The following MAGI2 variants were observed in gnomAD, a reference collection of about 807,000 sequenced individuals.
MAGI2 encodes membrane associated guanylate kinase, WW and PDZ domain containing 2.
A neutral mutation model predicts 133.3 loss-of-function variants in MAGI2; 35 were observed. That is an observed-to-expected ratio of 0.26 (90% CI 0.20 to 0.35). MAGI2 has a LOEUF of 0.35. MAGI2 is among the 10% of genes least tolerant of loss of function. The pLI, the probability that MAGI2 is intolerant of heterozygous loss-of-function variation, is 1.00. For synonymous variants in MAGI2, 729 were observed against 710.6 expected, an observed-to-expected ratio of 1.03 and a Z score of -0.41; for missense variants, 1,636 against 1,863.4, an observed-to-expected ratio of 0.88 and a Z score of 2.25.
intron 2 of MAGI2, among the ~76,000 whole-genome samples, chr7:78,929,406 G>A (rs1485283395): frequency 6.6e-6 from 1 of 152,046 alleles, no homozygotes. Context: ...TACTAAAAAA[G>A]TGATAGCATA....
At chr7:79,236,829 A>G (rs141578700) in intron 1 of MAGI2, among the ~76,000 whole-genome samples, 63 of 152,364 alleles carry the variant, frequency 4.1e-4, no homozygotes, top group African/African-American at 1.5e-3. Flanking sequence ...AAGTGCACTT[A>G]AAACTTAAAT....
At chr7:78,671,962 G>A (rs952711895) in intron 2 of MAGI2, among the ~76,000 whole-genome samples, 1 of 152,186 alleles carries the variant, frequency 6.6e-6, no homozygotes, top group African/African-American at 2.4e-5. Flanking sequence ...CCAAAAAAGT[G>A]ATTCATAATT....
chr7:78,762,365 C>T (rs1243306994), intron 2 of MAGI2, among the ~76,000 whole-genome samples: 1 of 152,076 alleles, frequency 6.6e-6, no homozygotes, highest in African/African-American at 2.4e-5. Flanking sequence ...ATTGCTTTAA[C>T]CTGGGAGGCG....
intron 21 of MAGI2, among the ~76,000 whole-genome samples, chr7:78,030,146 CT>C (rs1026256656): frequency 6.6e-6 from 1 of 152,106 alleles, no homozygotes; most frequent in African/African-American, 2.4e-5. Flanking sequence ...AATTTCTCAC[CT>C]GTAAAATGGA....
chr7:78,334,244 C>T (rs2691537), intron 9 of MAGI2, among the ~76,000 whole-genome samples: 123,141 of 152,064 alleles, frequency 0.81, 50,172 homozygotes, highest in African/African-American at 0.87. Flanking sequence ...GGAAAATCAA[C>T]ATGGAATGGC....
At chr7:78,524,950 G>GT (rs72412091) in intron 3 of MAGI2, among the ~76,000 whole-genome samples, 61,009 of 151,514 alleles carry the variant, frequency 0.4, 15,403 homozygotes, top group African/African-American at 0.73. Flanking sequence ...ACACTTCAGT[G>GT]TTTTTTTTCC....
intron 1 of MAGI2, among the ~76,000 whole-genome samples, chr7:79,306,271 T>A (rs4020439): frequency 9.5e-5 from 14 of 146,988 alleles, no homozygotes; most frequent in African/African-American, 2.5e-4. Flanking sequence ...TTATATATAT[T>A]TTATTTATAT....
intron 1 of MAGI2, among the ~76,000 whole-genome samples, chr7:79,328,584 C>T (rs764853288): frequency 5.9e-5 from 9 of 151,314 alleles, no homozygotes; most frequent in Middle Eastern, 3.4e-3. Flanking sequence ...TTCAGCTCCA[C>T]AGACACTGGA....
chr7:78,591,644 A>G (rs893543286), intron 3 of MAGI2, among the ~76,000 whole-genome samples: 2 of 152,196 alleles, frequency 1.3e-5, no homozygotes, highest in Non-Finnish European at 2.9e-5. Flanking sequence ...AATATGGGTA[A>G]ACCTGTCCTA....
intron 21 of MAGI2, among the ~76,000 whole-genome samples, chr7:78,040,581 G>C (rs556975420): frequency 3.3e-5 from 5 of 152,314 alleles, no homozygotes; most frequent in African/African-American, 1.2e-4. Flanking sequence ...TGAGGATCCC[G>C]CAGGTAGACG....
intron 6 of MAGI2, among the ~76,000 whole-genome samples, chr7:78,397,366 T>C (rs931425432): frequency 1.6e-4 from 24 of 147,820 alleles, no homozygotes; most frequent in African/African-American, 5.7e-4. Context: ...TTGAAATTCC[T>C]ACACACACAC....
chr7:78,898,376 C>T (rs1186627925), intron 2 of MAGI2, among the ~76,000 whole-genome samples: 1 of 152,164 alleles, frequency 6.6e-6, no homozygotes, highest in Admixed American at 6.5e-5. Context: ...CATCACCACT[C>T]ACATTAGTAA....
chr7:78,280,160 G>A (rs77249511), intron 9 of MAGI2, among the ~76,000 whole-genome samples: 1 of 152,284 alleles, frequency 6.6e-6, no homozygotes, highest in East Asian at 1.9e-4. Flanking sequence ...ATTTGGAAGG[G>A]TGTCCTGATG....
intron 1 of MAGI2, among the ~76,000 whole-genome samples, chr7:79,211,602 ACT>A (rs1161493489): frequency 6.7e-6 from 1 of 149,814 alleles, no homozygotes; most frequent in Admixed American, 6.6e-5. Context: ...CCTTATACAA[ACT>A]CTTAACATTA....
At chr7:78,294,548 T>G (rs530221659) in intron 9 of MAGI2, among the ~76,000 whole-genome samples, 1 of 152,256 alleles carries the variant, frequency 6.6e-6, no homozygotes, top group African/African-American at 2.4e-5. Context: ...AAACTTACCA[T>G]TTGGAAAAGT....
intron 3 of MAGI2, among the ~76,000 whole-genome samples, chr7:78,590,987 C>A (rs1437439538): frequency 2.6e-5 from 4 of 152,152 alleles, no homozygotes; most frequent in African/African-American, 9.7e-5. Context: ...TCAGAGACTC[C>A]TCCCTCTGAC....
chr7:78,359,476 T>C (rs1172872827), intron 7 of MAGI2: 1 of 152,218 alleles, frequency 6.6e-6, no homozygotes, highest in Non-Finnish European at 1.5e-5. Context: ...TATCCACCTT[T>C]TTTGTTCATA....
chr7:78,601,568 T>G (rs1192661507), intron 3 of MAGI2, among the ~76,000 whole-genome samples: 2 of 152,214 alleles, frequency 1.3e-5, no homozygotes, highest in Non-Finnish European at 1.5e-5. Flanking sequence ...TCCTGTTTCC[T>G]TTCAGTATTT....
intron 16 of MAGI2, among the ~76,000 whole-genome samples, chr7:78,142,457 T>C (rs1224060152): frequency 6.6e-6 from 1 of 152,160 alleles, no homozygotes; most frequent in African/African-American, 2.4e-5. Context: ...TCCACTCCCC[T>C]GTACATCACT....
Sources: allele counts gnomAD v4.1 joint callset (sites outside exome capture counted in the v4.1 genomes callset), GRCh38; gene constraint gnomAD v4.1.1; transcripts MANE v1.5; gene names NCBI Gene and HGNC (gene_info 2026-07-23, HGNC 2026-07-21).